CTNNA2: variants seen among roughly 807,000 people sequenced by gnomAD.
The protein encoded by CTNNA2 is catenin alpha 2.
CTNNA2 carries 42 observed loss-of-function variants against 101.0 expected under a neutral mutation model. That is an observed-to-expected ratio of 0.42 (90% CI 0.32 to 0.54). The LOEUF (loss-of-function observed/expected upper bound fraction) is 0.54. Ranked by LOEUF, CTNNA2 falls within the 20% of genes least tolerant of loss-of-function variation. The probability of loss-of-function intolerance (pLI) is 0.14; values close to 1 mark genes in which losing one functional copy is unlikely to be tolerated. For synonymous variants in CTNNA2, 450 were observed against 456.4 expected, an observed-to-expected ratio of 0.99 and a Z score of 0.18; for missense variants, 871 against 1,223.1, an observed-to-expected ratio of 0.71 and a Z score of 4.29.
intron 3 of CTNNA2, among the ~76,000 whole-genome samples, chr2:79,318,771 G>A (rs1299014091): frequency 2.6e-5 from 4 of 152,186 alleles, no homozygotes; most frequent in Non-Finnish European, 5.9e-5. Context: ...CTACAACAGA[G>A]TGGATTAGTC....
intron 3 of CTNNA2, among the ~76,000 whole-genome samples, chr2:79,340,992 G>T (rs1034565677): frequency 6.6e-6 from 1 of 150,728 alleles, no homozygotes; most frequent in Admixed American, 6.6e-5. Flanking sequence ...ATTATAAAAT[G>T]GCTATCATGT....
intron 9 of CTNNA2, among the ~76,000 whole-genome samples, chr2:80,451,805 A>G (rs1449023107): frequency 6.6e-6 from 1 of 152,202 alleles, no homozygotes; most frequent in Non-Finnish European, 1.5e-5. Flanking sequence ...TTACAATCCA[A>G]CATTCAAGAA....
At chr2:79,830,153 C>T (rs1057336585) in intron 3 of CTNNA2, among the ~76,000 whole-genome samples, 2 of 151,706 alleles carry the variant, frequency 1.3e-5, no homozygotes, top group African/African-American at 2.4e-5. Flanking sequence ...AAACATGTCT[C>T]AAGTTATCCT....
At chr2:80,433,813 C>T (rs1177491586) in intron 9 of CTNNA2, among the ~76,000 whole-genome samples, 2 of 152,126 alleles carry the variant, frequency 1.3e-5, no homozygotes, top group Admixed American at 6.5e-5. Context: ...GATTCTAGTG[C>T]CTTGCTACAA....
At chr2:80,454,620 G>C (rs776168306) in intron 9 of CTNNA2, among the ~76,000 whole-genome samples, 3 of 152,220 alleles carry the variant, frequency 2.0e-5, no homozygotes, top group Non-Finnish European at 2.9e-5. Context: ...GAGATAAGGA[G>C]ATGGATGAGC....
chr2:79,218,751 G>A (rs189007506), intron 2 of CTNNA2, among the ~76,000 whole-genome samples: 11 of 152,258 alleles, frequency 7.2e-5, no homozygotes, highest in Admixed American at 2.6e-4. Flanking sequence ...TAATAATTAT[G>A]CATAATTATG....
chr2:80,336,293 A>T (rs1183095737), intron 7 of CTNNA2, among the ~76,000 whole-genome samples: 2 of 152,058 alleles, frequency 1.3e-5, no homozygotes, highest in African/African-American at 4.8e-5. Flanking sequence ...AAGGATCCTA[A>T]TTCTACTCGT....
rs535922363 is a variant in CTNNA2, at chr2:79,760,311, G to A, written c.298+15729G>A. ...AATGTGTGTGTGTGTGTGTGTGTGTGTATATAATCTTTAGTTATTTTAGTC... is the reference window on the plus strand; with the variant it reads ...AATGTGTGTGTGTGTGTGTGTGTGTATATATAATCTTTAGTTATTTTAGTC... On this transcript the variant is annotated intron_variant, in intron 3 of 18. Coordinates refer to ENST00000402739, the MANE Select transcript of CTNNA2 (RefSeq NM_001282597.3). Among the ~76,000 whole-genome samples the A allele has an allele frequency of 2.8e-3, 407 of 145,396 alleles. 1 individual carries two copies. The highest frequency in any genetic ancestry group is 8.3e-3 in the African/African-American group (315 of 37,766).
rs372733759 is a variant in CTNNA2 at position 80,302,484 on chromosome 2, G to C, written c.1057-90727G>C. ...GGGAAACACTTCCAGGACACGTAGA[G>C]CACCAGGACCACGATGAGGAAGGAG... On this transcript the variant is annotated intron_variant, in intron 7 of 18. Transcript: ENST00000402739. This position sits in a 1 kb window ranked among gnomAD's most constrained non-coding sequence, Gnocchi z 6.4. 2 of 1,613,842 alleles carry C rather than the reference G, an allele frequency of 1.2e-6. No individual in the cohort carries two copies. Among genetic ancestry groups the C allele is most frequent in the African/African-American group, 2.7e-5 (2 of 74,944 alleles).
intron 2 of CTNNA2, 41 bp from the exon 3 acceptor site, chr2:79,744,346 G>C: frequency 1.3e-6 from 2 of 1,545,916 alleles, no homozygotes; most frequent in Non-Finnish European, 1.7e-6. Context: ...TTTCTAGACA[G>C]TTTTGCAAAG....
chr2:79,474,765 C>G (rs905056675), intron 4 of CTNNA2, among the ~76,000 whole-genome samples: 3 of 152,098 alleles, frequency 2.0e-5, no homozygotes, highest in African/African-American at 7.2e-5. Context: ...TTTACACTTC[C>G]TGTTAAGTCG....
intron 2 of CTNNA2, among the ~76,000 whole-genome samples, chr2:79,729,413 A>T (rs984967351): frequency 1.3e-5 from 2 of 152,162 alleles, no homozygotes; most frequent in Non-Finnish European, 2.9e-5. Flanking sequence ...TAAGTAAGAA[A>T]TGGGAAGTTC....
intron 6 of CTNNA2, among the ~76,000 whole-genome samples, chr2:79,887,176 T>A (rs1683946753): frequency 1.3e-5 from 2 of 152,026 alleles, no homozygotes; most frequent in Non-Finnish European, 2.9e-5. Flanking sequence ...AGAATGAGTT[T>A]GAAGAAGCAA....
chr2:79,774,027 T>C (rs1573934028), intron 3 of CTNNA2, among the ~76,000 whole-genome samples: 1 of 152,282 alleles, frequency 6.6e-6, no homozygotes, highest in South Asian at 2.1e-4. Flanking sequence ...GCTTTGTGGC[T>C]TCTCTCATCA....
chr2:79,833,230 C>T (rs1472656917), intron 3 of CTNNA2, among the ~76,000 whole-genome samples: 1 of 152,118 alleles, frequency 6.6e-6, no homozygotes, highest in Non-Finnish European at 1.5e-5. Flanking sequence ...GGCTGAAAAA[C>T]GGAGTTATAT....
chr2:80,548,672 T>C (rs1692306868), intron 11 of CTNNA2, among the ~76,000 whole-genome samples: 1 of 152,170 alleles, frequency 6.6e-6, no homozygotes, highest in South Asian at 2.1e-4. Flanking sequence ...TGCTGGAGCA[T>C]GCCTTTGGAG....
intron 7 of CTNNA2, among the ~76,000 whole-genome samples, chr2:80,209,265 G>A (rs188654746): frequency 8.7e-5 from 13 of 149,232 alleles, no homozygotes; most frequent in East Asian, 5.9e-4. Flanking sequence ...GCAGCGGCAC[G>A]ATCCTGGCTC....
At chr2:80,248,648 G>T (rs551096959) in intron 7 of CTNNA2, among the ~76,000 whole-genome samples, 7 of 152,262 alleles carry the variant, frequency 4.6e-5, no homozygotes. Flanking sequence ...GCAGCTGCTG[G>T]TTGGATCATT....
chr2:80,026,017 G>A (rs776617260), intron 7 of CTNNA2, among the ~76,000 whole-genome samples: 4 of 152,204 alleles, frequency 2.6e-5, no homozygotes, highest in Non-Finnish European at 5.9e-5. Context: ...TAACAGGGAT[G>A]TGTGTCACAG....
Sources: allele counts gnomAD v4.1 joint callset (sites outside exome capture counted in the v4.1 genomes callset), GRCh38; gene constraint gnomAD v4.1.1; non-coding constraint Gnocchi (gnomAD v3.1); transcripts MANE v1.5; gene names NCBI Gene and HGNC (gene_info 2026-07-23, HGNC 2026-07-21).